The following TGFBRAP1 variants were observed in gnomAD, a reference collection of about 807,000 sequenced individuals.
The protein encoded by TGFBRAP1 is transforming growth factor beta receptor associated protein 1.
A neutral mutation model predicts 83.2 loss-of-function variants in TGFBRAP1; 20 were observed. The ratio of observed to expected loss-of-function variants is 0.24; its 90% confidence interval spans 0.17 to 0.35. The LOEUF (loss-of-function observed/expected upper bound fraction) is 0.35, where lower values mean the gene tolerates loss of function less well. TGFBRAP1 is among the 10% of genes least tolerant of loss of function. TGFBRAP1 has a pLI of 1.00. For synonymous variants in TGFBRAP1, 415 were observed against 459.8 expected, an observed-to-expected ratio of 0.90 and a Z score of 1.25; for missense variants, 950 against 1,099.4, an observed-to-expected ratio of 0.86 and a Z score of 1.92.
chr2:105,308,329 AAG>A lies in TGFBRAP1; in HGVS notation c.-17-13_-17-12del. ...CTACTGGCTGATCTGCTGGAAGAGA[AAG>A]AGGAAAACTAATTTTAGAGGAACAA... On this transcript the variant is annotated splice_polypyrimidine_tract_variant and intron_variant, in intron 1 of 11. Transcript: ENST00000393359. 2 of 1,577,320 alleles carry A rather than the reference AAG, an allele frequency of 1.3e-6. No homozygotes were observed. The highest frequency in any genetic ancestry group is 2.3e-5 in the South Asian group (2 of 87,834).
At chr2:105,261,359 A>T (rs902564402), downstream of TGFBRAP1, among the ~76,000 whole-genome samples, 1 of 152,216 alleles carries the variant, frequency 6.6e-6, no homozygotes, top group Non-Finnish European at 1.5e-5. Context: ...TTGCACACAC[A>T]TGGATTCCGA....
At chr2:105,281,730 ACT>A (rs1677544474) in intron 5 of TGFBRAP1, among the ~76,000 whole-genome samples, 1 of 151,892 alleles carries the variant, frequency 6.6e-6, no homozygotes, top group Admixed American at 6.6e-5. Context: ...TACTAGACCC[ACT>A]TATGTTGCCA....
At chr2:105,254,329 G>A in the TGFBRAP1 span, among the ~76,000 whole-genome samples, 12 of 152,148 alleles carry the variant, frequency 7.9e-5, no homozygotes, top group Non-Finnish European at 1.8e-4. Flanking sequence ...CTCACAGGCA[G>A]GCTGTGTCAG....
rs1437219481 is a variant in TGFBRAP1 at position 105,271,568 on chromosome 2, G to T, written c.1972+1287C>A. Among the ~76,000 whole-genome samples, 3 of 152,178 alleles carry T rather than the reference G, an allele frequency of 2.0e-5. No individual in the cohort carries two copies. The East Asian group carries it at 5.8e-4, about 29-fold the overall frequency. ...TGTGTTCTGGCTCTACTGCTCGTGG[G>T]CTGTGTGACCTGTGGCAAGCGGGGT... On this transcript the variant is annotated intron_variant, in intron 10 of 11. Coordinates refer to ENST00000393359, the MANE Select transcript of TGFBRAP1 (RefSeq NM_004257.6).
chr2:105,291,759 G>A (rs1677924160), intron 4 of TGFBRAP1, among the ~76,000 whole-genome samples: 1 of 152,164 alleles, frequency 6.6e-6, no homozygotes, highest in Non-Finnish European at 1.5e-5. Flanking sequence ...GGATTGCCTG[G>A]GCCGGGTGCG....
chr2:105,323,767 C>T (rs970136755), intron 1 of TGFBRAP1, among the ~76,000 whole-genome samples: 3 of 152,188 alleles, frequency 2.0e-5, no homozygotes, highest in Admixed American at 1.3e-4. Flanking sequence ...GTTTGATAGG[C>T]TCTCTGACAA....
At chr2:105,250,565 TCC>T in the TGFBRAP1 span, among the ~76,000 whole-genome samples, 1 of 140,656 alleles carries the variant, frequency 7.1e-6, no homozygotes, top group African/African-American at 2.7e-5. Flanking sequence ...TTGGAAAGGC[TCC>T]TCCTCTCCCT....
At chr2:105,317,310 G>T (rs1479101635) in intron 1 of TGFBRAP1, among the ~76,000 whole-genome samples, 1 of 152,040 alleles carries the variant, frequency 6.6e-6, no homozygotes, top group Non-Finnish European at 1.5e-5. Context: ...GGTGGCGGAT[G>T]CCTGTAGTCC....
intron 1 of TGFBRAP1, 73 bp downstream of exon 1, chr2:105,329,552 T>C (rs1679310729): frequency 2.6e-5 from 3 of 113,280 alleles, no homozygotes; most frequent in Admixed American, 1.8e-4. Context: ...CCACTCCTGC[T>C]CCCCGCCCTC....
intron 1 of TGFBRAP1, among the ~76,000 whole-genome samples, chr2:105,325,572 T>C (rs1679203175): frequency 2.0e-5 from 3 of 152,154 alleles, no homozygotes; most frequent in Admixed American, 6.6e-5. Context: ...GAGGCCACTA[T>C]GGTACTTAGA....
intron 1 of TGFBRAP1, chr2:105,324,983 T>C (rs1370214500): frequency 6.6e-6 from 1 of 152,308 alleles, no homozygotes; most frequent in Admixed American, 6.5e-5. Context: ...GGCAACTCAC[T>C]AAGAGGCTTT....
chr2:105,307,406 C>T (rs1678538596), intron 2 of TGFBRAP1, among the ~76,000 whole-genome samples: 1 of 152,208 alleles, frequency 6.6e-6, no homozygotes, highest in Admixed American at 6.5e-5. Context: ...GTGAAAGAAA[C>T]TGGTTTTATG....
intron 4 of TGFBRAP1, among the ~76,000 whole-genome samples, chr2:105,293,851 G>C (rs1677993621): frequency 6.6e-6 from 1 of 152,162 alleles, no homozygotes; most frequent in Admixed American, 6.5e-5. Context: ...ACCTACCCAG[G>C]ACCTAGGGGA....
At chr2:105,268,217 C>T (rs928672707) in intron 11 of TGFBRAP1, among the ~76,000 whole-genome samples, 11 of 152,222 alleles carry the variant, frequency 7.2e-5, no homozygotes, top group African/African-American at 2.7e-4. Context: ...ATCCTGCACT[C>T]CTTAGTTGCA....
At chr2:105,285,394 C>T (rs187934432) in intron 4 of TGFBRAP1, among the ~76,000 whole-genome samples, 34 of 152,368 alleles carry the variant, frequency 2.2e-4, no homozygotes, top group African/African-American at 4.1e-4. Flanking sequence ...TCCATTGTCA[C>T]TCACTATCCC....
chr2:105,249,416 C>G, the TGFBRAP1 span: 1 of 152,056 alleles, frequency 6.6e-6, no homozygotes, highest in Non-Finnish European at 1.5e-5. Context: ...TCACAAAGAG[C>G]CTTTGTTTAT....
chr2:105,320,904 G>T (rs1348144960), intron 1 of TGFBRAP1, among the ~76,000 whole-genome samples: 1 of 152,080 alleles, frequency 6.6e-6, no homozygotes, highest in Non-Finnish European at 1.5e-5. Flanking sequence ...TGGTGGGATC[G>T]AATTTAACAA....
At chr2:105,264,118 A>G (rs1379166383), downstream of TGFBRAP1, among the ~76,000 whole-genome samples, 1 of 152,228 alleles carries the variant, frequency 6.6e-6, no homozygotes, top group African/African-American at 2.4e-5. Flanking sequence ...GAAATCCAAG[A>G]GTGCAGCCTT....
At chr2:105,300,434 C>CTTTTT (rs769660664) in intron 2 of TGFBRAP1, among the ~76,000 whole-genome samples, 2 of 119,024 alleles carry the variant, frequency 1.7e-5, no homozygotes, top group South Asian at 3.0e-4. Context: ...GGAGTAAAAT[C>CTTTTT]TTTTTTTTTT....
Sources: gnomAD v4.1 joint callset for allele counts (sites outside exome capture counted in the v4.1 genomes callset) on GRCh38, gnomAD v4.1.1 for gene constraint, MANE v1.5 for transcripts, NCBI Gene and HGNC (gene_info 2026-07-23, HGNC 2026-07-21) for gene names.